Variants in SCTR observed in about 807,000 individuals in gnomAD.
SCTR encodes secretin receptor.
Under a neutral mutation model 60.8 loss-of-function variants are expected in SCTR, and 56 were observed. The observed-to-expected ratio is 0.92, with a 90% CI of 0.74 to 1.15. The LOEUF is 1.15. SCTR is among the 50% of genes most tolerant of loss of function. The probability of loss-of-function intolerance (pLI) is 0.00; values close to 1 mark genes in which losing one functional copy is unlikely to be tolerated. For synonymous variants in SCTR, 202 were observed against 217.0 expected, an observed-to-expected ratio of 0.93 and a Z score of 0.61; for missense variants, 562 against 550.4, an observed-to-expected ratio of 1.02 and a Z score of -0.21.
At chr2:119,447,568 G>C (rs1441826609) in intron 10 of SCTR, among the ~76,000 whole-genome samples, 1 of 152,102 alleles carries the variant, frequency 6.6e-6, no homozygotes. Flanking sequence ...TCCTGTTTTT[G>C]TTTTGTTTTT....
Position 119,465,874 on chromosome 2 carries a change from G to A in SCTR, c.418C>T (p.Leu140=). ...SSNEKRHSYL[L]KLKVMYTVGY... is the part of the protein sequence containing the mutation. ...ACGGTGTACATGACTTTCAGCTTCA[G>A]CAGGTAGGAGTGCTGCAGAGAGAGG... The change falls in exon 5 of 13, where the codon CTG becomes TTG. Residue 140 remains leucine, a synonymous_variant. Coordinates refer to ENST00000019103, the MANE Select transcript of SCTR (RefSeq NM_002980.3). 1 of 1,613,330 alleles carries A rather than the reference G, an allele frequency of 6.2e-7. No individual in the cohort carries two copies. Among genetic ancestry groups the A allele is most frequent in the Non-Finnish European group, 8.5e-7 (1 of 1,179,302 alleles).
chr2:119,468,373 C>T (rs1683925297), intron 4 of SCTR, among the ~76,000 whole-genome samples: 1 of 152,222 alleles, frequency 6.6e-6, no homozygotes, highest in Non-Finnish European at 1.5e-5. Flanking sequence ...ACACAGGCTT[C>T]AGAGCCAGGA....
chr2:119,521,985 G>A (rs1650358367), intron 1 of SCTR, among the ~76,000 whole-genome samples: 1 of 152,202 alleles, frequency 6.6e-6, no homozygotes, highest in South Asian at 2.1e-4. Flanking sequence ...ATGTAAGGCA[G>A]TAATGCACAT....
intron 2 of SCTR, among the ~76,000 whole-genome samples, chr2:119,490,717 C>T (rs1306243864): frequency 4.6e-5 from 7 of 152,238 alleles, no homozygotes; most frequent in African/African-American, 1.7e-4. Context: ...GGGTGTACCT[C>T]TCCAGCCCTT....
At chr2:119,472,101 C>T (rs1677046220) in intron 4 of SCTR, among the ~76,000 whole-genome samples, 1 of 152,212 alleles carries the variant, frequency 6.6e-6, no homozygotes, top group Admixed American at 6.5e-5. Flanking sequence ...CCCTGGCCCA[C>T]AGCAGGTGCT....
At chr2:119,485,581 C>G (rs1482175599) in intron 2 of SCTR, among the ~76,000 whole-genome samples, 1 of 152,212 alleles carries the variant, frequency 6.6e-6, no homozygotes, top group Non-Finnish European at 1.5e-5. Context: ...GCTGCAGTGG[C>G]AGGGGGCCAG....
intron 5 of SCTR, among the ~76,000 whole-genome samples, chr2:119,464,495 T>G (rs1200797308): frequency 6.6e-6 from 1 of 151,362 alleles, no homozygotes; most frequent in Non-Finnish European, 1.5e-5. Flanking sequence ...GGCTCACACC[T>G]GTAATCCCAG....
chr2:119,470,229 T>C (rs948022338), intron 4 of SCTR, among the ~76,000 whole-genome samples: 1 of 152,198 alleles, frequency 6.6e-6, no homozygotes, highest in African/African-American at 2.4e-5. Flanking sequence ...GTCAGTAATA[T>C]TGTGTGTCAA....
At chr2:119,483,203 A>G (rs1018909954) in intron 2 of SCTR, among the ~76,000 whole-genome samples, 2 of 152,192 alleles carry the variant, frequency 1.3e-5, no homozygotes, top group Admixed American at 1.3e-4. Context: ...ATGCCTGGGG[A>G]CAGGCCATGC....
At chr2:119,504,048 A>G (rs1014872120) in intron 1 of SCTR, among the ~76,000 whole-genome samples, 1 of 152,224 alleles carries the variant, frequency 6.6e-6, no homozygotes, top group Non-Finnish European at 1.5e-5. Flanking sequence ...CAAACAGGAT[A>G]TCAATGGAAG....
At chr2:119,468,825 T>C (rs1016033117) in intron 4 of SCTR, among the ~76,000 whole-genome samples, 5 of 152,020 alleles carry the variant, frequency 3.3e-5, no homozygotes, top group Admixed American at 3.3e-4. Flanking sequence ...GTAGAGTACA[T>C]GAAAAAACTG....
chr2:119,453,402 C>T lies in SCTR; in HGVS notation c.791-55G>A, dbSNP rs535995255. On this transcript the variant is annotated intron_variant, in intron 7 of 12. Transcript: ENST00000019103. Reference sequence around the variant, plus strand: ...AAGAGAGAGGACTCAATTTTCAACACACATATCAGAACAGGACAATTGGTT... The same window carrying T: ...AAGAGAGAGGACTCAATTTTCAACATACATATCAGAACAGGACAATTGGTT... 745 of 1,370,526 alleles carry T rather than the reference C, an allele frequency of 5.4e-4. 18 individuals are homozygous for T. The South Asian group carries it at 8.7e-3, about 16-fold the overall frequency. The allele number at this position is 1,370,526 out of a possible 1,614,324, so 84.9% of individuals were successfully genotyped here. A position where few individuals can be genotyped will look rare whatever the true frequency, so the allele number is the denominator to read the frequency against.
chr2:119,445,851 CT>C lies in SCTR; in HGVS notation c.1140+907del, dbSNP rs1303295435. On this transcript the variant is annotated intron_variant, in intron 11 of 12. Coordinates refer to ENST00000019103, the MANE Select transcript of SCTR (RefSeq NM_002980.3). ...ACCCATCTCTCCCTCCTGTATAGAACTTTATCGTATTTGTTTCTGTGTAGCA... is the reference window on the plus strand; with the variant it reads ...ACCCATCTCTCCCTCCTGTATAGAACTTATCGTATTTGTTTCTGTGTAGCA... 2.6e-5 allele frequency among the ~76,000 whole-genome samples: 4 copies of C among 152,320 alleles called. No homozygotes were observed. The East Asian group carries it at 7.7e-4, about 29-fold the overall frequency.
At chr2:119,442,853 G>A (rs778268327) in intron 11 of SCTR, among the ~76,000 whole-genome samples, 3 of 152,172 alleles carry the variant, frequency 2.0e-5, no homozygotes, top group Non-Finnish European at 2.9e-5. Context: ...CTGTCAGAGA[G>A]GGAGTAAAAG....
At chr2:119,454,998 G>A (rs1683318696) in intron 7 of SCTR, among the ~76,000 whole-genome samples, 1 of 152,030 alleles carries the variant, frequency 6.6e-6, no homozygotes, top group Non-Finnish European at 1.5e-5. Context: ...GTTGATTGTG[G>A]CTACTAGAAA....
intron 7 of SCTR, among the ~76,000 whole-genome samples, chr2:119,460,522 T>G (rs964227515): frequency 6.6e-6 from 1 of 152,026 alleles, no homozygotes; most frequent in African/African-American, 2.4e-5. Context: ...AACAGACAAG[T>G]CTTGGCTTGA....
chr2:119,500,223 C>G (rs1350011082), intron 1 of SCTR, among the ~76,000 whole-genome samples: 6 of 38,858 alleles, frequency 1.5e-4, no homozygotes, highest in African/African-American at 5.7e-4. Context: ...ACAAAAAGTA[C>G]TAAATGTTGG....
At chr2:119,454,403 G>A (rs866360675) in intron 7 of SCTR, among the ~76,000 whole-genome samples, 1 of 152,190 alleles carries the variant, frequency 6.6e-6, no homozygotes, top group Non-Finnish European at 1.5e-5. Context: ...GCCCAGCAGA[G>A]GGTTGGAGGG....
chr2:119,443,717 T>G (rs1374292924), intron 11 of SCTR, among the ~76,000 whole-genome samples: 1 of 152,174 alleles, frequency 6.6e-6, no homozygotes, highest in African/African-American at 2.4e-5. Flanking sequence ...TGGGTAATTT[T>G]TTGTATTTTA....
Sources: gnomAD v4.1 joint callset for allele counts (sites outside exome capture counted in the v4.1 genomes callset) on GRCh38, gnomAD v4.1.1 for gene constraint, MANE v1.5 for transcripts, NCBI Gene and HGNC (gene_info 2026-07-23, HGNC 2026-07-21) for gene names.